The following PACRG variants were observed in gnomAD, a reference collection of about 807,000 sequenced individuals.
PACRG encodes parkin coregulated gene protein.
In PACRG, 29 loss-of-function variants were observed where a neutral mutation model predicts 29.7. That is an observed-to-expected ratio of 0.98 (90% confidence interval 0.73 to 1.33). The LOEUF (loss-of-function observed/expected upper bound fraction) is 1.33, where lower values mean the gene tolerates loss of function less well. Ranked by LOEUF, PACRG falls within the 40% of genes most tolerant of loss-of-function variation. PACRG has a pLI of 0.00. For missense variants in PACRG, 279 were observed against 316.2 expected (o/e 0.88, Z 0.89); for synonymous variants, 116 against 118.7 (o/e 0.98, Z 0.15).
chr6:162,728,278 G>C lies in PACRG; in HGVS notation c.43G>C (p.Asp15His), dbSNP rs1317722602. The change falls in exon 1 of 5, where the codon GAC (aspartate) becomes CAC (histidine). Residue 15 changes from aspartate (D) to histidine (H), a missense_variant. Physicochemically the swap from Asp to His is moderately conservative, Grantham distance 81 (BLOSUM62 -1). Transcript: ENST00000366888. ...GACCCTGAGCTTAAACAAATGCCCA[G>C]ACAAGATGCCGAAGAGGACCAAGCT... ...KETLSLNKCP[D>H]KMPKRTKLLA... The C allele has an allele frequency of 6.2e-7, 1 of 1,614,024 alleles. No homozygotes were observed. The highest frequency in any genetic ancestry group is 1.7e-5 in the Admixed American group (1 of 60,014).
At chr6:162,738,281 G>T (rs909563047) in intron 1 of PACRG, among the ~76,000 whole-genome samples, 1 of 152,152 alleles carries the variant, frequency 6.6e-6, no homozygotes, top group South Asian at 2.1e-4. Flanking sequence ...TGTTCTTCAG[G>T]TTACTTTTTC....
chr6:163,030,293 A>G (rs1367017971), intron 2 of PACRG, among the ~76,000 whole-genome samples: 1 of 152,178 alleles, frequency 6.6e-6, no homozygotes, highest in Non-Finnish European at 1.5e-5. Flanking sequence ...ACATATGCAT[A>G]CCTTTTTATA....
intron 2 of PACRG, among the ~76,000 whole-genome samples, chr6:162,888,494 C>A (rs9365503): frequency 0.17 from 25,611 of 152,000 alleles, 2,634 homozygotes; most frequent in East Asian, 0.35. Flanking sequence ...CATTTCATCT[C>A]CAACTGCTGC....
At chr6:162,988,524 TG>T (rs1803112486) in intron 2 of PACRG, among the ~76,000 whole-genome samples, 1 of 152,174 alleles carries the variant, frequency 6.6e-6, no homozygotes, top group Non-Finnish European at 1.5e-5. Context: ...AAAGGGAAGT[TG>T]TTTTGGATAG....
chr6:163,164,297 G>A lies in PACRG; in HGVS notation c.613+74889G>A, dbSNP rs200423324. ...CTCAGTCACATGTGTTCATGGCACA[G>A]CCTTTTCAGCTTCCATTTGGTGGCT... is the stretch of plus-strand genomic sequence containing the variant. On this transcript the variant is annotated intron_variant, in intron 4 of 4. Transcript: ENST00000366888. Among the ~76,000 whole-genome samples the A allele has an allele frequency of 3.3e-5, 5 of 152,294 alleles. No individual in the cohort carries two copies. In the East Asian group the frequency reaches 9.6e-4, roughly 29 times the overall value.
At chr6:162,929,676 C>A (rs1328906966) in intron 2 of PACRG, among the ~76,000 whole-genome samples, 1 of 151,852 alleles carries the variant, frequency 6.6e-6, no homozygotes, top group African/African-American at 2.4e-5. Context: ...GGAGCATTTT[C>A]CCCAATGATC....
chr6:163,220,150 C>A (rs1025496464), intron 4 of PACRG, among the ~76,000 whole-genome samples: 4 of 152,050 alleles, frequency 2.6e-5, no homozygotes, highest in Non-Finnish European at 5.9e-5. Flanking sequence ...AAAAGGAGCT[C>A]CCAATACATG....
At chr6:163,203,683 A>C (rs914836605) in intron 4 of PACRG, among the ~76,000 whole-genome samples, 1 of 152,258 alleles carries the variant, frequency 6.6e-6, no homozygotes, top group African/African-American at 2.4e-5. Flanking sequence ...TTCTGAGCTT[A>C]TTAAAATACA....
intron 4 of PACRG, among the ~76,000 whole-genome samples, chr6:163,280,410 T>C (rs555385764): frequency 4.7e-4 from 72 of 152,288 alleles, no homozygotes; most frequent in African/African-American, 1.7e-3. Context: ...GGGGTTATAC[T>C]GTGCACCACC....
At chr6:163,254,290 C>T (rs938762988) in intron 4 of PACRG, among the ~76,000 whole-genome samples, 6 of 152,042 alleles carry the variant, frequency 3.9e-5, no homozygotes, top group Non-Finnish European at 7.4e-5. Context: ...CAAAAATATG[C>T]GCCTGAAAGA....
chr6:163,310,191 G>A (rs777025415), intron 4 of PACRG: 1 of 152,096 alleles, frequency 6.6e-6, no homozygotes, highest in African/African-American at 2.4e-5. Context: ...GCCGTCACAC[G>A]TTCCCCTCCT....
chr6:163,250,022 A>G (rs1782840794), intron 4 of PACRG, among the ~76,000 whole-genome samples: 1 of 152,220 alleles, frequency 6.6e-6, no homozygotes, highest in Non-Finnish European at 1.5e-5. Context: ...ATGATCCTCT[A>G]GGACTGCCAC....
At chr6:162,889,278 T>C (rs1274228262) in intron 2 of PACRG, among the ~76,000 whole-genome samples, 1 of 152,118 alleles carries the variant, frequency 6.6e-6, no homozygotes, top group Non-Finnish European at 1.5e-5. Context: ...CACTGATCCA[T>C]TAAAAAAAAA....
chr6:163,155,940 C>T (rs1437226815), intron 4 of PACRG, among the ~76,000 whole-genome samples: 3 of 152,238 alleles, frequency 2.0e-5, no homozygotes, highest in Non-Finnish European at 2.9e-5. Context: ...AATGTCCTTT[C>T]CCCTCTTTTC....
chr6:163,270,720 TA>T (rs1221932386), intron 4 of PACRG, among the ~76,000 whole-genome samples: 7 of 151,630 alleles, frequency 4.6e-5, no homozygotes. Flanking sequence ...AAATATAACA[TA>T]AAGAAAGAAA....
intron 4 of PACRG, among the ~76,000 whole-genome samples, chr6:163,117,579 C>T (rs1053050440): frequency 5.9e-5 from 9 of 152,012 alleles, no homozygotes; most frequent in African/African-American, 1.7e-4. Context: ...TGGTGAAACC[C>T]CATCTCTACT....
intron 2 of PACRG, among the ~76,000 whole-genome samples, chr6:163,017,913 T>G (rs1286194607): frequency 3.9e-5 from 6 of 152,128 alleles, no homozygotes; most frequent in Non-Finnish European, 7.4e-5. Flanking sequence ...GACACTGTAT[T>G]TAGTGTATGA....
chr6:163,299,874 G>A (rs1345113448), intron 4 of PACRG, among the ~76,000 whole-genome samples: 3 of 152,172 alleles, frequency 2.0e-5, no homozygotes, highest in Non-Finnish European at 4.4e-5. Context: ...GGGAGACTCC[G>A]TCTCAAAAAA....
At chr6:163,116,905 G>A (rs1219536830) in intron 4 of PACRG, among the ~76,000 whole-genome samples, 1 of 152,154 alleles carries the variant, frequency 6.6e-6, no homozygotes, top group Non-Finnish European at 1.5e-5. Context: ...CCTGGACGTG[G>A]TGAGTCGGAG....
Sources: allele counts gnomAD v4.1 joint callset (sites outside exome capture counted in the v4.1 genomes callset), GRCh38; gene constraint gnomAD v4.1.1; transcripts MANE v1.5; gene names NCBI Gene and HGNC (gene_info 2026-07-23, HGNC 2026-07-21).